CNBD1: variants seen among roughly 807,000 people sequenced by gnomAD.
The protein encoded by CNBD1 is cyclic nucleotide binding domain containing 1, also known as cyclic nucleotide-binding domain-containing protein 1.
In CNBD1, 71 loss-of-function variants were observed where a neutral mutation model predicts 54.4. The ratio of observed to expected loss-of-function variants is 1.30; its 90% CI spans 1.08 to 1.59. The LOEUF (loss-of-function observed/expected upper bound fraction) is 1.59. Among genes scored for constraint, CNBD1 ranks in the 40% most tolerant of loss-of-function variants. The pLI is 0.00. For missense variants in CNBD1, 659 were observed against 518.0 expected (o/e 1.27, Z -2.64); for synonymous variants, 182 against 170.7 (o/e 1.07, Z -0.51).
At chr8:87,164,438 G>T (rs1812919812) in intron 4 of CNBD1, among the ~76,000 whole-genome samples, 1 of 151,158 alleles carries the variant, frequency 6.6e-6, no homozygotes, top group South Asian at 2.1e-4. Flanking sequence ...CCTTTTTGTT[G>T]GGAGGTGTTT....
chr8:87,061,750 A>G (rs1810552291), intron 4 of CNBD1, among the ~76,000 whole-genome samples: 1 of 152,240 alleles, frequency 6.6e-6, no homozygotes. Flanking sequence ...ATATGTTATC[A>G]ATATACAATC....
chr8:87,230,132 A>T (rs1266858560), intron 5 of CNBD1, among the ~76,000 whole-genome samples: 1 of 152,150 alleles, frequency 6.6e-6, no homozygotes, highest in Non-Finnish European at 1.5e-5. Flanking sequence ...GAGAAGAGGG[A>T]GGTGCCACAT....
chr8:87,059,148 C>T (rs1421923400), intron 4 of CNBD1, among the ~76,000 whole-genome samples: 3 of 152,294 alleles, frequency 2.0e-5, no homozygotes, highest in African/African-American at 7.2e-5. Flanking sequence ...CCATCTGAGA[C>T]CACCAAAGCC....
chr8:87,001,773 A>T (rs1286505482), intron 4 of CNBD1, among the ~76,000 whole-genome samples: 1 of 152,028 alleles, frequency 6.6e-6, no homozygotes, highest in African/African-American at 2.4e-5. Context: ...TTCTTTATTA[A>T]TGTCTTTAAC....
chr8:87,145,706 G>T lies in CNBD1; in HGVS notation c.432-60287G>T, dbSNP rs564397531. ...TATAATCCTTCTTGACTTTAAATGT[G>T]TTAAACCAAAATATTAACATATCTG... is the stretch of plus-strand genomic sequence containing the variant. On this transcript the variant is annotated intron_variant, in intron 4 of 10. Transcript: ENST00000518476. Among the ~76,000 whole-genome samples, 6 of 152,216 alleles carry T rather than the reference G, an allele frequency of 3.9e-5. No homozygotes were observed. The South Asian group carries it at 1.2e-3, about 32-fold the overall frequency.
At chr8:87,328,118 T>A (rs1219677012) in intron 8 of CNBD1, among the ~76,000 whole-genome samples, 1 of 152,124 alleles carries the variant, frequency 6.6e-6, no homozygotes, top group Non-Finnish European at 1.5e-5. Flanking sequence ...GTGTTTGTCC[T>A]GATGCTCTCC....
chr8:86,955,787 TCG>T (rs1213919926), intron 4 of CNBD1, among the ~76,000 whole-genome samples: 6 of 152,238 alleles, frequency 3.9e-5, no homozygotes, highest in African/African-American at 1.4e-4. Flanking sequence ...GGTTGCCTGT[TCG>T]CACTGATGGT....
intron 4 of CNBD1, among the ~76,000 whole-genome samples, chr8:87,143,062 G>C (rs1304497582): frequency 6.6e-6 from 1 of 152,038 alleles, no homozygotes; most frequent in Non-Finnish European, 1.5e-5. Flanking sequence ...TTAATTACTT[G>C]GGTACCTTGT....
chr8:86,938,815 C>T (rs142950868), intron 3 of CNBD1, among the ~76,000 whole-genome samples: 4 of 152,160 alleles, frequency 2.6e-5, no homozygotes, highest in African/African-American at 9.6e-5. Context: ...ACCAGAGTAG[C>T]CAGCACATTT....
chr8:87,334,721 TTTC>T (rs577568422), intron 8 of CNBD1, among the ~76,000 whole-genome samples: 6,606 of 131,914 alleles, frequency 0.05, 584 homozygotes, highest in African/African-American at 0.18. Context: ...TCTTTTTTCT[TTTC>T]TTTTTTTTTT....
chr8:86,964,488 C>T (rs1808019309), intron 4 of CNBD1, among the ~76,000 whole-genome samples: 2 of 152,216 alleles, frequency 1.3e-5, no homozygotes, highest in African/African-American at 2.4e-5. Context: ...AGTAACATGA[C>T]ATCCTTCCAT....
chr8:87,334,124 C>T (rs185064311), intron 8 of CNBD1, among the ~76,000 whole-genome samples: 11 of 152,114 alleles, frequency 7.2e-5, no homozygotes, highest in Non-Finnish European at 1.3e-4. Flanking sequence ...GTGTATGTGT[C>T]CAAGAATTTA....
intron 4 of CNBD1, among the ~76,000 whole-genome samples, chr8:87,051,188 G>A (rs1168074693): frequency 6.6e-6 from 1 of 152,154 alleles, no homozygotes; most frequent in Non-Finnish European, 1.5e-5. Flanking sequence ...AAAATTTCAA[G>A]TTAAGGGCTT....
intron 4 of CNBD1, among the ~76,000 whole-genome samples, chr8:86,978,810 G>A (rs1297044588): frequency 6.6e-6 from 1 of 151,856 alleles, no homozygotes. Context: ...CTGGGATTAT[G>A]GGCGTGACCC....
chr8:87,216,881 A>G (rs1019240698), intron 5 of CNBD1, among the ~76,000 whole-genome samples: 10 of 152,170 alleles, frequency 6.6e-5, no homozygotes, highest in African/African-American at 2.4e-4. Flanking sequence ...ACAGGTTTTG[A>G]TGGGTAATCT....
chr8:87,049,209 C>T (rs1343212002), intron 4 of CNBD1, among the ~76,000 whole-genome samples: 3 of 152,182 alleles, frequency 2.0e-5, no homozygotes, highest in Admixed American at 6.5e-5. Flanking sequence ...ATGTCATCCA[C>T]ACCCTTCTCA....
chr8:87,189,474 T>G (rs901538177), intron 4 of CNBD1, among the ~76,000 whole-genome samples: 1 of 152,184 alleles, frequency 6.6e-6, no homozygotes, highest in Non-Finnish European at 1.5e-5. Flanking sequence ...ACTATAGTAT[T>G]CTGGTGGGTA....
At position 87,322,245 on chromosome 8, in the gene CNBD1, A is replaced by G. The variant is rs1375082454; in HGVS notation, c.1043-29440A>G. Among the ~76,000 whole-genome samples, 3 of 123,656 alleles carry G rather than the reference A, an allele frequency of 2.4e-5. 1 individual carries two copies. In the East Asian group the frequency reaches 6.2e-4, roughly 25 times the overall value. The allele number at this position is 123,656 out of a possible 152,430, so 81.1% of individuals were successfully genotyped here. On this transcript the variant is annotated intron_variant, in intron 8 of 10. Transcript: ENST00000518476. ...TGTTTCCAAGTCTTTGCTATTGTGA[A>G]TAATGCCGCAATAAACATACGTGTG...
In CNBD1 at chr8:86,980,214, G is replaced by A. The variant is rs186745205; in HGVS notation, c.431+40460G>A. ...TTGGTGCTTCAGTGACTAATATGGT[G>A]AGTGTTTCCCAGACCTCCAAGGTGC... On this transcript the variant is annotated intron_variant, in intron 4 of 10. Transcript: ENST00000518476. Among the ~76,000 whole-genome samples, 239 of 152,346 alleles carry A rather than the reference G, an allele frequency of 1.6e-3. 1 individual carries two copies. Among genetic ancestry groups the A allele is most frequent in the Non-Finnish European group, 1.0e-3 (69 of 68,028 alleles).
Sources: allele counts gnomAD v4.1 joint callset (sites outside exome capture counted in the v4.1 genomes callset), GRCh38; gene constraint gnomAD v4.1.1; transcripts MANE v1.5; gene names NCBI Gene and HGNC (gene_info 2026-07-23, HGNC 2026-07-21).